The following LCORL variants were observed in gnomAD, a reference collection of about 807,000 sequenced individuals.
LCORL encodes the protein ligand-dependent nuclear receptor corepressor-like protein.
In LCORL, 41 loss-of-function variants were observed where a neutral mutation model predicts 141.8. That is an observed-to-expected ratio of 0.29 (90% CI 0.23 to 0.38). The LOEUF (loss-of-function observed/expected upper bound fraction) is 0.38, where lower values mean the gene tolerates loss of function less well. LCORL is among the 10% of genes least tolerant of loss of function. LCORL has a pLI of 1.00. For missense variants in LCORL, 1,759 were observed against 2,035.0 expected, an observed-to-expected ratio of 0.86 and a Z score of 2.61; for synonymous variants, 618 against 694.1, an observed-to-expected ratio of 0.89 and a Z score of 1.72.
intron 2 of LCORL, among the ~76,000 whole-genome samples, chr4:17,970,890 C>A (rs547259716): frequency 1.3e-5 from 2 of 152,236 alleles, no homozygotes; most frequent in African/African-American, 4.8e-5. Context: ...AAATAAAATT[C>A]TATTTCCTTT....
chr4:18,001,037 G>A (rs1721869742), intron 1 of LCORL, among the ~76,000 whole-genome samples: 1 of 152,308 alleles, frequency 6.6e-6, no homozygotes, highest in East Asian at 1.9e-4. Flanking sequence ...TGAGTGAGTT[G>A]GCTCACACCT....
At chr4:17,841,395 T>A (rs1722387023) in exon 8 of LCORL, 1 of 151,992 alleles carries the variant, frequency 6.6e-6, no homozygotes, top group Non-Finnish European at 1.5e-5. Context: ...AAATGGAGTC[T>A]GGTCATAATA....
intron 4 of LCORL, among the ~76,000 whole-genome samples, chr4:17,919,637 G>C (rs965284604): frequency 3.8e-4 from 58 of 152,142 alleles, no homozygotes; most frequent in African/African-American, 1.3e-3. Flanking sequence ...CCATATCTGT[G>C]GTATAATGCT....
At chr4:17,852,861 A>G (rs1202153095) in intron 7 of LCORL, among the ~76,000 whole-genome samples, 5 of 152,162 alleles carry the variant, frequency 3.3e-5, no homozygotes, top group Non-Finnish European at 7.4e-5. Context: ...GTAAAATTGT[A>G]TCTAGCTCTA....
chr4:18,020,918 C>G (rs1194138441), intron 1 of LCORL, among the ~76,000 whole-genome samples: 2 of 152,224 alleles, frequency 1.3e-5, no homozygotes, highest in African/African-American at 4.8e-5. Flanking sequence ...AAATCCCAAC[C>G]GTCAGCGCTC....
intron 7 of LCORL, among the ~76,000 whole-genome samples, chr4:17,858,335 C>A (rs1053436384): frequency 6.0e-5 from 9 of 149,704 alleles, no homozygotes; most frequent in African/African-American, 1.7e-4. Context: ...AAAAAAAAAA[C>A]TAAACAAAAG....
At chr4:17,963,192 C>T (rs542792958) in intron 2 of LCORL, 143 bp from the exon 3 acceptor site, 12 of 455,488 alleles carry the variant, frequency 2.6e-5, no homozygotes, top group Non-Finnish European at 4.4e-5. Flanking sequence ...TAAAATTAAA[C>T]TCACAACATC....
intron 1 of LCORL, among the ~76,000 whole-genome samples, chr4:18,018,182 G>A (rs1368059579): frequency 6.6e-6 from 1 of 151,944 alleles, no homozygotes; most frequent in Non-Finnish European, 1.5e-5. Context: ...TTTTATTCTA[G>A]ACCTGTTTTA....
intron 6 of LCORL, chr4:17,881,190 C>T: frequency 1.0e-6 from 1 of 979,346 alleles, no homozygotes; most frequent in Non-Finnish European, 1.2e-6. Flanking sequence ...ACTTGAGGAA[C>T]ATTCAAATAA....
In LCORL at chr4:17,998,985, A is replaced by AAAAAAAAT. The variant is rs1374815646; in HGVS notation, c.154+22612_154+22613insATTTTTTT. Among the ~76,000 whole-genome samples the AAAAAAAAT allele has an allele frequency of 3.8e-4, 22 of 57,890 alleles. 1 individual carries two copies. The East Asian group carries it at 4.0e-3, about 11-fold the overall frequency. The allele number at this position is 57,890 out of a possible 152,430, so 38.0% of individuals were successfully genotyped here. ...GTCTCAAAAAAAAAAAAAAAAAAAA[A>AAAAAAAAT]ATATATATATATATATATACACACA... On this transcript the variant is annotated intron_variant, in intron 1 of 7. Transcript: ENST00000635767.
rs533438681 is a variant in LCORL at position 18,006,875 on chromosome 4, A to G, written c.154+14723T>C. 2.0e-5 allele frequency among the ~76,000 whole-genome samples: 3 copies of G among 152,238 alleles called. No homozygotes were observed. The South Asian group carries it at 6.2e-4, about 32-fold the overall frequency. ...TATTATTATATTATATGAAAATACA[A>G]TGCTCTATATCCTACTCTGGATAAT... On this transcript the variant is annotated intron_variant, in intron 1 of 7. Transcript: ENST00000635767.
chr4:17,894,313 C>A (rs1245033097), intron 5 of LCORL, among the ~76,000 whole-genome samples: 1 of 152,094 alleles, frequency 6.6e-6, no homozygotes, highest in African/African-American at 2.4e-5. Context: ...CAAAAAATTT[C>A]TTGTATAATA....
At chr4:17,882,687 T>G (rs1560285441) in intron 6 of LCORL, 1 of 984,650 alleles carries the variant, frequency 1.0e-6, no homozygotes, top group Non-Finnish European at 1.2e-6. Flanking sequence ...TTTGATAAAC[T>G]GAAAATGTTT....
chr4:17,884,517 C>A lies in LCORL; in HGVS notation c.776+1551G>T. ...AGCACTGCACAAGTTTCTTTACTGT[C>A]CTTATATGAATAACTATCATGGAAA... On this transcript the variant is annotated intron_variant, in intron 6 of 7. Coordinates refer to ENST00000635767, the Ensembl canonical transcript of LCORL. The surrounding 1 kb of genome is among the most constrained non-coding windows in gnomAD (Gnocchi z 4.4). The A allele has an allele frequency of 6.5e-7, 1 of 1,541,348 alleles. No individual in the cohort carries two copies.
intron 2 of LCORL, among the ~76,000 whole-genome samples, chr4:17,966,109 G>A (rs1030276172): frequency 2.6e-5 from 4 of 151,966 alleles, no homozygotes; most frequent in Non-Finnish European, 5.9e-5. Flanking sequence ...AAGTACAAAG[G>A]AGAAAAGAAA....
chr4:17,910,178 C>A (rs762587237), intron 4 of LCORL, among the ~76,000 whole-genome samples: 6 of 152,116 alleles, frequency 3.9e-5, no homozygotes, highest in Non-Finnish European at 5.9e-5. Flanking sequence ...ATTGGTAAAA[C>A]AACTGAATGA....
intron 4 of LCORL, among the ~76,000 whole-genome samples, chr4:17,936,063 A>G (rs768992782): frequency 1.6e-4 from 25 of 152,208 alleles, no homozygotes; most frequent in Non-Finnish European, 2.4e-4. Flanking sequence ...TACACATTAG[A>G]AAACATATAG....
rs555906240 is a variant in LCORL, at chr4:17,875,822, A to C, written c.3168T>G (p.Asp1056Glu). The C allele has an allele frequency of 3.2e-6, 4 of 1,231,242 alleles. No individual in the cohort carries two copies. The East Asian group carries it at 9.5e-5, about 29-fold the overall frequency. 76.3% of individuals were successfully genotyped at this position (1,231,242 alleles called of 1,614,324 possible). A position where few individuals can be genotyped will look rare whatever the true frequency, so the allele number is the denominator to read the frequency against. ...TGTCCTTAGGTTCTTCTTGTGGCTT[A>C]TCACTATTTATATCACCTATAAACA... Residue 1056 changes from aspartate (D) to glutamate (E), a missense_variant, in exon 7 of 8, where the codon GAT becomes GAG. Coordinates refer to ENST00000635767, the Ensembl canonical transcript of LCORL.
At chr4:17,914,685 G>T (rs369777372) in intron 4 of LCORL, among the ~76,000 whole-genome samples, 3 of 152,194 alleles carry the variant, frequency 2.0e-5, no homozygotes, top group African/African-American at 7.2e-5. Flanking sequence ...GTTAGGAATT[G>T]TAAACTCAAA....
Sources: gnomAD v4.1 joint callset for allele counts (sites outside exome capture counted in the v4.1 genomes callset) on GRCh38, gnomAD v4.1.1 for gene constraint, Gnocchi (gnomAD v3.1) non-coding constraint, MANE v1.5 for transcripts, NCBI Gene and HGNC (gene_info 2026-07-23, HGNC 2026-07-21) for gene names.